Variants in EXOC4 observed in about 807,000 individuals in gnomAD.
EXOC4 encodes exocyst complex component 4, also known as SEC8-like 1.
EXOC4 carries 71 observed loss-of-function variants against 107.2 expected under a neutral mutation model. The ratio of observed to expected loss-of-function variants is 0.66; its 90% CI spans 0.55 to 0.81. EXOC4 has a LOEUF of 0.81. Ranked by LOEUF, EXOC4 falls within the 30% of genes least tolerant of loss-of-function variation. EXOC4 has a pLI of 0.00. For synonymous variants in EXOC4, 456 were observed against 441.2 expected (o/e 1.03, Z -0.42); for missense variants, 1,108 against 1,189.6 (o/e 0.93, Z 1.01).
At chr7:133,480,315 A>G (rs1490411865) in intron 9 of EXOC4, 177 bp downstream of exon 9, 4 of 1,435,418 alleles carry the variant, frequency 2.8e-6, no homozygotes, top group Admixed American at 2.5e-5. Flanking sequence ...TAAAACTATT[A>G]CTGTGGCCAT....
At chr7:133,906,927 C>A (rs928696702) in intron 12 of EXOC4, among the ~76,000 whole-genome samples, 1 of 152,204 alleles carries the variant, frequency 6.6e-6, no homozygotes, top group African/African-American at 2.4e-5. Flanking sequence ...AGAACTGTTA[C>A]ACTCACCGCA....
chr7:133,440,004 A>G (rs543264456), intron 7 of EXOC4, among the ~76,000 whole-genome samples: 1 of 152,272 alleles, frequency 6.6e-6, no homozygotes, highest in African/African-American at 2.4e-5. Context: ...TTTACTTTTT[A>G]ATTCAATATA....
At chr7:133,961,411 C>G (rs1018556355) in intron 14 of EXOC4, among the ~76,000 whole-genome samples, 62 of 151,542 alleles carry the variant, frequency 4.1e-4, no homozygotes, top group African/African-American at 1.2e-3. Flanking sequence ...CTCAGCCTCC[C>G]GAGAAGCTGG....
intron 10 of EXOC4, among the ~76,000 whole-genome samples, chr7:133,810,687 C>CAGT (rs991658408): frequency 1.3e-5 from 2 of 150,854 alleles, no homozygotes; most frequent in Middle Eastern, 3.2e-3. Context: ...GGCTGGAGTG[C>CAGT]AGTGGCACAA....
intron 11 of EXOC4, among the ~76,000 whole-genome samples, chr7:133,881,591 A>G (rs1457225619): frequency 1.3e-5 from 2 of 152,018 alleles, no homozygotes; most frequent in African/African-American, 4.8e-5. Flanking sequence ...TTATTTTCTT[A>G]TCTTGCTAGT....
At chr7:133,898,123 G>A (rs1395068966) in intron 12 of EXOC4, among the ~76,000 whole-genome samples, 1 of 149,634 alleles carries the variant, frequency 6.7e-6, no homozygotes. Flanking sequence ...TTGTCTTTCT[G>A]TGCCTGGCCA....
intron 9 of EXOC4, among the ~76,000 whole-genome samples, chr7:133,527,409 AAAAAT>A (rs1251005997): frequency 2.0e-5 from 3 of 152,152 alleles, no homozygotes; most frequent in Non-Finnish European, 2.9e-5. Flanking sequence ...CATCTCCAAA[AAAAAT>A]AAAATAAAAT....
At chr7:133,970,597 G>A (rs1801197276) in intron 14 of EXOC4, among the ~76,000 whole-genome samples, 1 of 152,092 alleles carries the variant, frequency 6.6e-6, no homozygotes, top group Non-Finnish European at 1.5e-5. Flanking sequence ...GGCTAGGGGA[G>A]GGAGTTCCCC....
chr7:133,999,358 T>C (rs1794475118), intron 15 of EXOC4, among the ~76,000 whole-genome samples: 1 of 152,154 alleles, frequency 6.6e-6, no homozygotes, highest in African/African-American at 2.4e-5. Context: ...TATCCTTCAT[T>C]ACCATTGCCC....
chr7:133,851,401 C>G (rs968960372), intron 11 of EXOC4, among the ~76,000 whole-genome samples: 2 of 152,180 alleles, frequency 1.3e-5, no homozygotes, highest in Non-Finnish European at 2.9e-5. Flanking sequence ...CCCAGCTGGT[C>G]TCGAACTCCT....
intron 17 of EXOC4, among the ~76,000 whole-genome samples, chr7:134,042,427 T>G (rs1364332422): frequency 6.6e-6 from 1 of 151,844 alleles, no homozygotes; most frequent in Non-Finnish European, 1.5e-5. Flanking sequence ...AATGCTCTTG[T>G]CAAAAGCACT....
At chr7:134,067,121 G>A (rs1211371043), downstream of EXOC4, among the ~76,000 whole-genome samples, 3 of 139,758 alleles carry the variant, frequency 2.1e-5, no homozygotes, top group African/African-American at 5.4e-5. Context: ...TTGCACTCCA[G>A]CCTAGGCGAC....
chr7:133,783,961 G>A (rs1796517555), intron 10 of EXOC4, among the ~76,000 whole-genome samples: 2 of 152,082 alleles, frequency 1.3e-5, no homozygotes, highest in South Asian at 2.1e-4. Context: ...ACTTATGCAT[G>A]TAATATATTA....
At chr7:133,820,215 T>C (rs1256010750) in intron 11 of EXOC4, among the ~76,000 whole-genome samples, 1 of 140,646 alleles carries the variant, frequency 7.1e-6, no homozygotes, top group Non-Finnish European at 1.6e-5. Flanking sequence ...ATTAAAAAAA[T>C]TTATTTTATG....
At chr7:133,662,793 A>G (rs939163700) in intron 10 of EXOC4, among the ~76,000 whole-genome samples, 2 of 152,094 alleles carry the variant, frequency 1.3e-5, no homozygotes, top group Non-Finnish European at 2.9e-5. Flanking sequence ...TTTGCCTAGG[A>G]AGTATTTTGC....
intron 7 of EXOC4, among the ~76,000 whole-genome samples, chr7:133,437,106 G>A (rs559622051): frequency 7.9e-5 from 12 of 152,056 alleles, no homozygotes; most frequent in African/African-American, 1.9e-4. Context: ...TAAATTTTGC[G>A]TGTTATCCAA....
At chr7:133,948,621 T>C (rs1800610520) in intron 14 of EXOC4, among the ~76,000 whole-genome samples, 1 of 152,182 alleles carries the variant, frequency 6.6e-6, no homozygotes. Flanking sequence ...CAAAGGATAC[T>C]ACGGTAATGA....
chr7:133,299,079 TA>T (rs1794586340), intron 3 of EXOC4, among the ~76,000 whole-genome samples: 1 of 152,208 alleles, frequency 6.6e-6, no homozygotes, highest in African/African-American at 2.4e-5. Flanking sequence ...TGGAAAGAAC[TA>T]GGTTAAAATA....
At position 133,409,938 on chromosome 7, in the gene EXOC4, GCTAT is replaced by G. The variant is rs367621127; in HGVS notation, c.1182+34939_1182+34942del. On this transcript the variant is annotated intron_variant, in intron 7 of 17. Transcript: ENST00000253861. ...CATTTTTTTGTTTTTCAATAGTTAG[GCTAT>G]CTGTATGATGTTCTTAAGAGAATAT... Among the ~76,000 whole-genome samples the G allele has an allele frequency of 1.1e-3, 169 of 152,142 alleles. 1 individual carries two copies. The highest frequency in any genetic ancestry group is 3.9e-3 in the African/African-American group (160 of 41,520).
Sources: gnomAD v4.1 joint callset for allele counts (sites outside exome capture counted in the v4.1 genomes callset) on GRCh38, gnomAD v4.1.1 for gene constraint, MANE v1.5 for transcripts, NCBI Gene and HGNC (gene_info 2026-07-23, HGNC 2026-07-21) for gene names.